The following LRFN2 variants were observed in gnomAD, a reference collection of about 807,000 sequenced individuals.
LRFN2 encodes the protein leucine-rich repeat and fibronectin type-III domain-containing protein 2.
A neutral mutation model predicts 37.3 loss-of-function variants in LRFN2; 18 were observed. That is an observed-to-expected ratio of 0.48 (90% CI 0.33 to 0.72). LRFN2 has a LOEUF of 0.72. LRFN2 is among the 30% of genes least tolerant of loss of function. The probability of loss-of-function intolerance (pLI) is 0.02; values close to 1 mark genes in which losing one functional copy is unlikely to be tolerated. For synonymous variants in LRFN2, 556 were observed against 466.6 expected (o/e 1.19, Z -2.47); for missense variants, 1,006 against 1,060.7 (o/e 0.95, Z 0.72).
At chr6:40,562,925 G>C (rs940076029) in intron 1 of LRFN2, among the ~76,000 whole-genome samples, 1 of 151,896 alleles carries the variant, frequency 6.6e-6, no homozygotes, top group African/African-American at 2.4e-5. Flanking sequence ...TGGCTCTCAA[G>C]AGGCTGCAGG....
intron 2 of LRFN2, among the ~76,000 whole-genome samples, chr6:40,427,475 G>C (rs908513719): frequency 2.6e-5 from 4 of 152,190 alleles, no homozygotes; most frequent in African/African-American, 9.6e-5. Flanking sequence ...GTCCAGCCGA[G>C]AGTCACTATG....
At chr6:40,528,447 G>T (rs58994003) in intron 1 of LRFN2, among the ~76,000 whole-genome samples, 6,156 of 152,266 alleles carry the variant, frequency 0.04, 395 homozygotes, top group African/African-American at 0.13. Context: ...CCAGTGCTTA[G>T]GTCCTGATGC....
chr6:40,571,247 T>G (rs1312335664), intron 1 of LRFN2, among the ~76,000 whole-genome samples: 4 of 152,230 alleles, frequency 2.6e-5, no homozygotes, highest in Non-Finnish European at 5.9e-5. Context: ...TACTAGGTGC[T>G]CAGTAAACAT....
intron 2 of LRFN2, among the ~76,000 whole-genome samples, chr6:40,415,528 AT>A (rs1222407577): frequency 6.6e-6 from 1 of 152,146 alleles, no homozygotes; most frequent in Non-Finnish European, 1.5e-5. Flanking sequence ...CCCGGCCTGA[AT>A]TCCTACTTGA....
In LRFN2 at chr6:40,392,814, G is replaced by A. The variant is rs1405384247; in HGVS notation, c.1499C>T (p.Thr500Met). The change falls in exon 3 of 3, where the codon ACG (threonine) becomes ATG (methionine). Residue 500 changes from threonine (T) to methionine (M), a missense_variant. By Grantham distance (81) the Thr-to-Met change is moderately conservative. Around this residue, in one of 4 missense-constraint regions of LRFN2, gnomAD observed 120 missense variants for 178.4 expected, o/e 0.67. Coordinates refer to ENST00000338305, the MANE Select transcript of LRFN2 (RefSeq NM_020737.3). The surrounding 1 kb of genome is among the most constrained non-coding windows in gnomAD (Gnocchi z 4.7). ...CVLAMWDDTA[T>M]TLTATNIVGC... ...CACGATGTTGGTGGCCGTGAGTGTC[G>A]TGGCTGTGTCATCCCACATGGCCAG... 1.9e-6 allele frequency: 3 copies of A among 1,614,044 alleles called. No homozygotes were observed. The highest frequency in any genetic ancestry group is 1.3e-5 in the African/African-American group (1 of 75,058).
chr6:40,512,472 G>A (rs1765736417), intron 1 of LRFN2, among the ~76,000 whole-genome samples: 2 of 152,200 alleles, frequency 1.3e-5, no homozygotes, highest in South Asian at 4.1e-4. Context: ...ATGAAATACT[G>A]TAGCACACAC....
Position 40,432,535 on chromosome 6 carries a change from A to C in LRFN2, c.579T>G (p.Phe193Leu). Residue 193 changes from phenylalanine (F) to leucine (L), a missense_variant, in exon 2 of 3, where the codon TTT (phenylalanine) becomes TTG (leucine). Transcript: ENST00000338305. ...NLLDHIAEGT[F>L]ADLQKLARLD... ...GGCGGGCCAGTTTCTGCAGGTCTGC[A>C]AAGGTGCCCTCGGCGATGTGATCCA... The C allele has an allele frequency of 1.2e-6, 2 of 1,614,246 alleles. No individual in the cohort carries two copies. Among genetic ancestry groups the C allele is most frequent in the Non-Finnish European group, 1.7e-6 (2 of 1,180,048 alleles).
At chr6:40,412,654 C>A (rs902984645) in intron 2 of LRFN2, among the ~76,000 whole-genome samples, 1 of 152,180 alleles carries the variant, frequency 6.6e-6, no homozygotes, top group South Asian at 2.1e-4. Context: ...AAGTAATTTC[C>A]AGACTCATTC....
At chr6:40,457,912 CT>C (rs1318167997) in intron 1 of LRFN2, among the ~76,000 whole-genome samples, 1 of 152,168 alleles carries the variant, frequency 6.6e-6, no homozygotes, top group Non-Finnish European at 1.5e-5. Context: ...CTTTCCTGTC[CT>C]GCCATGAGGG....
At chr6:40,435,479 G>A (rs1279386194) in intron 1 of LRFN2, among the ~76,000 whole-genome samples, 1 of 151,996 alleles carries the variant, frequency 6.6e-6, no homozygotes, top group Non-Finnish European at 1.5e-5. Context: ...TGGAAGTAGA[G>A]CTCTATAACT....
At chr6:40,460,010 C>T (rs1452894967) in intron 1 of LRFN2, among the ~76,000 whole-genome samples, 1 of 152,196 alleles carries the variant, frequency 6.6e-6, no homozygotes, top group African/African-American at 2.4e-5. Context: ...CAACGCTGCC[C>T]TCATTCTTGA....
intron 1 of LRFN2, among the ~76,000 whole-genome samples, chr6:40,483,874 A>G (rs1764889792): frequency 6.6e-6 from 1 of 152,178 alleles, no homozygotes; most frequent in South Asian, 2.1e-4. Flanking sequence ...CCTTGGTTCC[A>G]AGTTCAAGGT....
intron 1 of LRFN2, among the ~76,000 whole-genome samples, chr6:40,515,879 T>A (rs1249714452): frequency 8.5e-6 from 1 of 116,970 alleles, no homozygotes; most frequent in Non-Finnish European, 1.6e-5. Flanking sequence ...GGCAGCAGAG[T>A]GAGACTCCAT....
chr6:40,449,308 T>C (rs1384691935), intron 1 of LRFN2, among the ~76,000 whole-genome samples: 1 of 152,176 alleles, frequency 6.6e-6, no homozygotes, highest in African/African-American at 2.4e-5. Flanking sequence ...TACAACAAAA[T>C]ATACAAATTT....
chr6:40,406,872 C>A (rs1561841592), intron 2 of LRFN2, among the ~76,000 whole-genome samples: 1 of 152,234 alleles, frequency 6.6e-6, no homozygotes, highest in Non-Finnish European at 1.5e-5. Context: ...GCAGGCTGCC[C>A]CGTCTGATCA....
At chr6:40,463,533 CCA>C (rs1764391478) in intron 1 of LRFN2, among the ~76,000 whole-genome samples, 1 of 152,108 alleles carries the variant, frequency 6.6e-6, no homozygotes, top group South Asian at 2.1e-4. Flanking sequence ...TGCTAGTGTC[CCA>C]CAACCACATT....
chr6:40,464,962 A>G (rs78951080), intron 1 of LRFN2, among the ~76,000 whole-genome samples: 2,216 of 152,312 alleles, frequency 0.015, 57 homozygotes, highest in East Asian at 0.08. Flanking sequence ...ACATGACAAT[A>G]AGGAATTAAG....
intron 1 of LRFN2, among the ~76,000 whole-genome samples, chr6:40,481,439 C>CA (rs11384253): frequency 0.55 from 65,385 of 119,034 alleles, 19,271 homozygotes; most frequent in Non-Finnish European, 0.7. Flanking sequence ...AAGATTGTCT[C>CA]AAAAAAAAAA....
rs1267259358 is a variant in LRFN2 at position 40,391,912 on chromosome 6, C to A, written c.*31G>T. On this transcript the variant is annotated 3_prime_UTR_variant, in exon 3 of 3. Transcript: ENST00000338305. ...GATTCTTTCCCCTTCTCCCACCCTG[C>A]GCACAGGAAAGGGAGCATGCCCACC... 2 of 1,498,446 alleles carry A rather than the reference C, an allele frequency of 1.3e-6. No homozygotes were observed. The highest frequency in any genetic ancestry group is 2.4e-5 in the East Asian group (1 of 41,788). The allele number at this position is 1,498,446 out of a possible 1,614,324, so 92.8% of individuals were successfully genotyped here.
Sources: allele counts gnomAD v4.1 joint callset (sites outside exome capture counted in the v4.1 genomes callset), GRCh38; gene constraint gnomAD v4.1.1; regional missense constraint gnomAD v4.1.1; non-coding constraint Gnocchi (gnomAD v3.1); transcripts MANE v1.5; gene names NCBI Gene and HGNC (gene_info 2026-07-23, HGNC 2026-07-21).